TENM1: variants seen among roughly 807,000 people sequenced by gnomAD.
The protein encoded by TENM1 is teneurin transmembrane protein 1.
TENM1 carries 35 observed loss-of-function variants against 174.8 expected under a neutral mutation model. That is an observed-to-expected ratio of 0.20 (90% CI 0.15 to 0.27). The LOEUF is 0.27. Among genes scored for constraint, TENM1 ranks in the 10% least tolerant of loss-of-function variants. The pLI is 1.00. For synonymous variants in TENM1, 781 were observed against 798.7 expected (o/e 0.98, Z 0.37); for missense variants, 1,633 against 2,130.1 (o/e 0.77, Z 4.59).
chrX:125,061,621 C>G, the TENM1 span, among the ~76,000 whole-genome samples: 1 of 111,737 alleles, frequency 8.9e-6, no homozygotes, highest in African/African-American at 3.3e-5. Flanking sequence ...TGAAGCATGT[C>G]AAAAACTAAT....
intron 16 of TENM1, among the ~76,000 whole-genome samples, chrX:124,524,176 T>A (rs752706230): frequency 9.0e-6 from 1 of 111,498 alleles, no homozygotes; most frequent in African/African-American, 3.3e-5. Context: ...GCGCCCAGCC[T>A]GTAAACCAGT....
At chrX:124,460,256 C>G (rs941655508) in intron 22 of TENM1, among the ~76,000 whole-genome samples, 19 of 111,521 alleles carry the variant, frequency 1.7e-4, no homozygotes, top group African/African-American at 6.2e-4. Flanking sequence ...ATAAATCATT[C>G]TATTATAAAG....
intron 21 of TENM1, among the ~76,000 whole-genome samples, chrX:124,483,913 T>G (rs958849161): frequency 8.9e-6 from 1 of 111,960 alleles, no homozygotes; most frequent in Non-Finnish European, 1.9e-5. Context: ...TTAGCATTAT[T>G]TTTAAAACTT....
intron 3 of TENM1, among the ~76,000 whole-genome samples, chrX:124,738,201 C>T (rs1441430028): frequency 1.8e-5 from 2 of 111,749 alleles, no homozygotes; most frequent in Non-Finnish European, 3.8e-5. Context: ...ACTTTGTGGA[C>T]AGCATGGCCT....
the TENM1 span, among the ~76,000 whole-genome samples, chrX:125,010,440 T>C: frequency 4.6e-5 from 5 of 109,025 alleles, no homozygotes; most frequent in Admixed American, 9.8e-5. Context: ...ATCTTGAAAA[T>C]GGCCATACTG....
At chrX:124,436,649 T>C (rs1434163726) in intron 23 of TENM1, among the ~76,000 whole-genome samples, 1 of 108,846 alleles carries the variant, frequency 9.2e-6, no homozygotes, top group Admixed American at 9.8e-5. Context: ...ACCCGCCACC[T>C]CGCCCAGCTA....
intron 17 of TENM1, among the ~76,000 whole-genome samples, chrX:124,522,310 G>A (rs921556821): frequency 9.0e-6 from 1 of 111,169 alleles, no homozygotes; most frequent in Non-Finnish European, 1.9e-5. Context: ...TTCTATCTTG[G>A]AGCATGCATT....
intron 1 of TENM1, among the ~76,000 whole-genome samples, chrX:124,955,358 T>C (rs1264913327): frequency 9.0e-6 from 1 of 111,525 alleles, no homozygotes; most frequent in Non-Finnish European, 1.9e-5. Context: ...TAATGTCCAG[T>C]CAAAGTGGAC....
chrX:124,568,472 T>C (rs2048987648), intron 11 of TENM1, among the ~76,000 whole-genome samples: 2 of 111,660 alleles, frequency 1.8e-5, no homozygotes, highest in Middle Eastern at 4.2e-3. Context: ...AATGTAGAAA[T>C]AAAATACTAT....
intron 3 of TENM1, among the ~76,000 whole-genome samples, chrX:124,787,742 C>T (rs1230565556): frequency 8.9e-6 from 1 of 112,214 alleles, no homozygotes; most frequent in African/African-American, 3.2e-5. Flanking sequence ...TTTAACTCCT[C>T]CAGTTCCCTA....
At chrX:125,173,575 C>T in the TENM1 span, among the ~76,000 whole-genome samples, 2 of 111,181 alleles carry the variant, frequency 1.8e-5, no homozygotes, top group African/African-American at 6.5e-5. Context: ...AGATAAAATG[C>T]CCTGATTGTC....
At chrX:124,906,515 C>A (rs2057751365) in intron 1 of TENM1, among the ~76,000 whole-genome samples, 1 of 111,524 alleles carries the variant, frequency 9.0e-6, no homozygotes, top group African/African-American at 3.3e-5. Flanking sequence ...ATCTTCATGT[C>A]TTATAAAGTT....
At chrX:124,444,186 C>T (rs1569531924) in intron 23 of TENM1, among the ~76,000 whole-genome samples, 1 of 111,331 alleles carries the variant, frequency 9.0e-6, no homozygotes, top group Admixed American at 9.6e-5. Context: ...GATACATAGG[C>T]GACACAAGGC....
chrX:124,517,742 A>G (rs921122044), intron 18 of TENM1, among the ~76,000 whole-genome samples: 3 of 109,511 alleles, frequency 2.7e-5, no homozygotes, highest in African/African-American at 6.7e-5. Flanking sequence ...CAGCACACCA[A>G]CATGGTGCAT....
chrX:125,114,066 A>C, the TENM1 span, among the ~76,000 whole-genome samples: 2 of 112,018 alleles, frequency 1.8e-5, no homozygotes, highest in African/African-American at 6.5e-5. Context: ...ACAGTCTCTC[A>C]GACCACAGTG....
chrX:124,747,859 G>A (rs978913858), intron 3 of TENM1, among the ~76,000 whole-genome samples: 4 of 110,599 alleles, frequency 3.6e-5, no homozygotes, highest in African/African-American at 1.3e-4. Flanking sequence ...TGACAACCTG[G>A]ATTTGATTCA....
At chrX:124,625,383 G>A (rs188741294) in intron 11 of TENM1, among the ~76,000 whole-genome samples, 146 of 110,554 alleles carry the variant, frequency 1.3e-3, no homozygotes, top group African/African-American at 4.7e-3. Flanking sequence ...ATTAAGAAGG[G>A]ATTAGAAAGA....
At chrX:124,909,483 CT>C (rs2057802107) in intron 1 of TENM1, among the ~76,000 whole-genome samples, 1 of 112,202 alleles carries the variant, frequency 8.9e-6, no homozygotes, top group Non-Finnish European at 1.9e-5. Flanking sequence ...ATGGGCACTT[CT>C]TTTGTCACTG....
intron 1 of TENM1, among the ~76,000 whole-genome samples, chrX:124,925,929 G>A (rs1009222336): frequency 8.9e-6 from 1 of 112,162 alleles, no homozygotes; most frequent in African/African-American, 3.2e-5. Context: ...GCTTCAGCTG[G>A]TTTCTGCCCT....
Sources: allele counts gnomAD v4.1 joint callset (sites outside exome capture counted in the v4.1 genomes callset), GRCh38; gene constraint gnomAD v4.1.1; transcripts MANE v1.5; gene names NCBI Gene and HGNC (gene_info 2026-07-23, HGNC 2026-07-21).